The following SELENOF variants were observed in gnomAD, a reference collection of about 807,000 sequenced individuals.
The protein encoded by SELENOF is selenoprotein F, also known as 15 kDa selenoprotein.
In SELENOF, 16 loss-of-function variants were observed where a neutral mutation model predicts 20.5. The ratio of observed to expected loss-of-function variants is 0.78; its 90% CI spans 0.53 to 1.19. The LOEUF (loss-of-function observed/expected upper bound fraction) is 1.19. SELENOF is among the 50% of genes most tolerant of loss of function. The probability of loss-of-function intolerance (pLI) is 0.00; values close to 1 mark genes in which losing one functional copy is unlikely to be tolerated. For missense variants in SELENOF, 215 were observed against 194.2 expected (o/e 1.11, Z -0.64); for synonymous variants, 78 against 74.5 (o/e 1.05, Z -0.24).
intron 2 of SELENOF, among the ~76,000 whole-genome samples, chr1:86,888,653 G>C (rs189942643): frequency 6.6e-6 from 1 of 152,304 alleles, no homozygotes; most frequent in African/African-American, 2.4e-5. Flanking sequence ...AAAAAGAATA[G>C]TTATGATCAA....
At chr1:86,903,489 T>A in intron 1 of SELENOF, 41 bp from the exon 2 acceptor site, 1 of 1,509,304 alleles carries the variant, frequency 6.6e-7, no homozygotes, top group Non-Finnish European at 8.9e-7. Flanking sequence ...ATTCCATATT[T>A]ATACTACAAA....
intron 3 of SELENOF, among the ~76,000 whole-genome samples, chr1:86,874,364 T>C (rs767802856): frequency 1.4e-4 from 22 of 152,300 alleles, no homozygotes; most frequent in Non-Finnish European, 2.9e-4. Flanking sequence ...AAAGGCAATT[T>C]TGTAAATAAC....
At chr1:86,897,225 T>C (rs1046730404) in intron 2 of SELENOF, among the ~76,000 whole-genome samples, 1 of 151,986 alleles carries the variant, frequency 6.6e-6, no homozygotes, top group African/African-American at 2.4e-5. Flanking sequence ...AGGTGGAGGT[T>C]GCGGTGAGCC....
chr1:86,901,456 C>T (rs1189929744), intron 2 of SELENOF, among the ~76,000 whole-genome samples: 1 of 149,190 alleles, frequency 6.7e-6, no homozygotes, highest in Non-Finnish European at 1.5e-5. Flanking sequence ...CAGTTTTGTG[C>T]AAAGAGTGCT....
At chr1:86,887,275 C>T (rs778939930) in intron 2 of SELENOF, 168 of 1,442,196 alleles carry the variant, frequency 1.2e-4, no homozygotes, top group Non-Finnish European at 1.5e-4. Flanking sequence ...AATACTATAT[C>T]TGAGATTAAA....
At chr1:86,903,664 G>A (rs780233423) in intron 1 of SELENOF, among the ~76,000 whole-genome samples, 18 of 151,812 alleles carry the variant, frequency 1.2e-4, no homozygotes, top group Non-Finnish European at 2.4e-4. Flanking sequence ...GTGCAACCTC[G>A]GCTCACTGCA....
chr1:86,913,858 AAGG>A (rs1660057586), intron 1 of SELENOF, 167 bp downstream of exon 1: 8 of 626,796 alleles, frequency 1.3e-5, no homozygotes, highest in East Asian at 2.8e-5. Flanking sequence ...CAAGGCGGGG[AAGG>A]AGAAGGATCA....
At chr1:86,866,583 C>T (rs915135208) in intron 4 of SELENOF, among the ~76,000 whole-genome samples, 1 of 152,054 alleles carries the variant, frequency 6.6e-6, no homozygotes, top group East Asian at 1.9e-4. Context: ...GACTGTAGTA[C>T]ACTTAAAATT....
intron 4 of SELENOF, among the ~76,000 whole-genome samples, chr1:86,863,986 A>G (rs1658530472): frequency 6.6e-6 from 1 of 152,206 alleles, no homozygotes; most frequent in Non-Finnish European, 1.5e-5. Context: ...AGAGAAAAAT[A>G]TCTATTAGTA....
Position 86,900,552 on chromosome 1 carries a change from C to T in SELENOF, c.252+2729G>A, listed in dbSNP as rs920055567. Among the ~76,000 whole-genome samples, 269 of 152,018 alleles carry T rather than the reference C, an allele frequency of 1.8e-3. 1 individual carries two copies. Among genetic ancestry groups the T allele is most frequent in the African/African-American group, 6.2e-3 (257 of 41,458 alleles). The stretch of plus-strand genomic sequence containing the variant: ...AGATGGCAGCAGTACAGTCCAGCTT[C>T]GGCTCGGCATCAGAGGGAGACCGTG... On this transcript the variant is annotated intron_variant, in intron 2 of 4. Transcript: ENST00000331835.
chr1:86,869,561 G>C (rs1263032569), intron 3 of SELENOF, among the ~76,000 whole-genome samples: 1 of 151,978 alleles, frequency 6.6e-6, no homozygotes, highest in Non-Finnish European at 1.5e-5. Context: ...TTTAATAGAG[G>C]CCTATACATG....
chr1:86,891,213 C>A (rs1217031229), intron 2 of SELENOF, among the ~76,000 whole-genome samples: 1 of 151,940 alleles, frequency 6.6e-6, no homozygotes, highest in Non-Finnish European at 1.5e-5. Context: ...CCACGCCTGG[C>A]TAATTTTGTA....
At chr1:86,899,274 A>G (rs1321276195) in intron 2 of SELENOF, among the ~76,000 whole-genome samples, 1 of 150,856 alleles carries the variant, frequency 6.6e-6, no homozygotes, top group Non-Finnish European at 1.5e-5. Context: ...CATTGTCATC[A>G]TGGCCCGTTC....
intron 2 of SELENOF, among the ~76,000 whole-genome samples, chr1:86,895,213 T>C (rs568632796): frequency 1.3e-5 from 2 of 152,362 alleles, no homozygotes; most frequent in Admixed American, 6.5e-5. Flanking sequence ...TAAAAGATAC[T>C]GCTCCAAATT....
chr1:86,887,237 C>T, intron 2 of SELENOF: 1 of 1,522,486 alleles, frequency 6.6e-7, no homozygotes, highest in Non-Finnish European at 8.8e-7. Context: ...ATAATTTTAA[C>T]AAACAAAGCT....
chr1:86,887,016 T>C, intron 2 of SELENOF: 1 of 896,002 alleles, frequency 1.1e-6, no homozygotes, highest in Non-Finnish European at 1.5e-6. Flanking sequence ...AGAAACTATT[T>C]TTAGCAAAAT....
At chr1:86,913,661 G>A (rs1660051058) in intron 1 of SELENOF, 1 of 210,616 alleles carries the variant, frequency 4.7e-6, no homozygotes. Flanking sequence ...GCCTCTAAGA[G>A]TTGGAAGTCT....
intron 2 of SELENOF, among the ~76,000 whole-genome samples, chr1:86,890,203 A>G (rs1466308420): frequency 6.6e-6 from 1 of 152,090 alleles, no homozygotes; most frequent in African/African-American, 2.4e-5. Context: ...CCTTTCCACT[A>G]ACTTTTCCTT....
At chr1:86,871,560 T>C (rs1021168287) in intron 3 of SELENOF, among the ~76,000 whole-genome samples, 1 of 152,160 alleles carries the variant, frequency 6.6e-6, no homozygotes, top group African/African-American at 2.4e-5. Context: ...ATAATAAAAA[T>C]GTATGCTAAG....
Sources: gnomAD v4.1 joint callset for allele counts (sites outside exome capture counted in the v4.1 genomes callset) on GRCh38, gnomAD v4.1.1 for gene constraint, MANE v1.5 for transcripts, NCBI Gene and HGNC (gene_info 2026-07-23, HGNC 2026-07-21) for gene names.